UBE2E1: variants seen among roughly 807,000 people sequenced by gnomAD.
UBE2E1 encodes the protein ubiquitin-conjugating enzyme E2 E1.
Under a neutral mutation model 21.4 loss-of-function variants are expected in UBE2E1, and 6 were observed. The observed-to-expected ratio is 0.28, with a 90% confidence interval of 0.15 to 0.55. The LOEUF is 0.55. Among genes scored for constraint, UBE2E1 ranks in the 20% least tolerant of loss-of-function variants. The pLI is 0.93. For missense variants in UBE2E1, 142 were observed against 236.5 expected, an observed-to-expected ratio of 0.60 and a Z score of 2.62; for synonymous variants, 87 against 82.7, an observed-to-expected ratio of 1.05 and a Z score of -0.28.
intron 3 of UBE2E1, among the ~76,000 whole-genome samples, chr3:23,839,463 CAAAA>C (rs954877106): frequency 6.7e-6 from 1 of 150,188 alleles, no homozygotes; most frequent in African/African-American, 2.5e-5. Context: ...GAGTCTGTCT[CAAAA>C]AAAGAAAATA....
chr3:23,832,723 A>T (rs1380144660), intron 3 of UBE2E1, among the ~76,000 whole-genome samples: 3 of 152,178 alleles, frequency 2.0e-5, no homozygotes, highest in African/African-American at 4.8e-5. Context: ...CAACAGAGCG[A>T]GACTTTGTCT....
Position 23,806,649 on chromosome 3 carries a change from G to T in UBE2E1, c.-34+561G>T, listed in dbSNP as rs1379108356. ...CGGGAGGGGCGTCGGGGCGCGGCGCGGGGGGGCCTCGGGCCTCGTCGCCCC... is the reference window on the plus strand; with the variant it reads ...CGGGAGGGGCGTCGGGGCGCGGCGCTGGGGGGCCTCGGGCCTCGTCGCCCC... On this transcript the variant is annotated intron_variant, in intron 1 of 5. Coordinates refer to ENST00000306627, the MANE Select transcript of UBE2E1 (RefSeq NM_003341.5). The surrounding 1 kb of genome is among the most constrained non-coding windows in gnomAD (Gnocchi z 6.5). Among the ~76,000 whole-genome samples the T allele has an allele frequency of 1.3e-5, 2 of 151,366 alleles. No individual in the cohort carries two copies.
At chr3:23,838,986 T>C (rs1347316678) in intron 3 of UBE2E1, among the ~76,000 whole-genome samples, 1 of 151,898 alleles carries the variant, frequency 6.6e-6, no homozygotes, top group African/African-American at 2.4e-5. Flanking sequence ...CTTTATAGAA[T>C]ACATCTTTAG....
Position 23,889,019 on chromosome 3 carries a change from G to A in UBE2E1, c.337-93G>A, listed in dbSNP as rs1701274559. On this transcript the variant is annotated intron_variant, in intron 4 of 5. Transcript: ENST00000306627. ...CTTCTTGACAGCTTTAATTAAAACT[G>A]CTTTTAGTCACCTTCTTAAGGGTCA... 9.2e-6 allele frequency: 12 copies of A among 1,309,984 alleles called. No homozygotes were observed. The South Asian group carries it at 1.8e-4, about 20-fold the overall frequency. 81.1% of individuals were successfully genotyped at this position (1,309,984 alleles called of 1,614,324 possible).
Position 23,851,430 on chromosome 3 carries a change from GT to G in UBE2E1, c.204-36128del, listed in dbSNP as rs373063405. ...CTTGTCAATTTCTGTTTTTCATTTT[GT>G]TTTTTTTTAAACAGTCCAGCTGGGG... On this transcript the variant is annotated intron_variant, in intron 3 of 5. Transcript: ENST00000306627. 3.7e-3 allele frequency among the ~76,000 whole-genome samples: 561 copies of G among 150,780 alleles called. 18 individuals carry two copies. In the East Asian group the frequency reaches 0.052, roughly 14 times the overall value.
intron 3 of UBE2E1, among the ~76,000 whole-genome samples, chr3:23,865,984 T>C (rs1700648379): frequency 6.6e-6 from 1 of 152,098 alleles, no homozygotes; most frequent in East Asian, 1.9e-4. Flanking sequence ...AGGGTGTGTG[T>C]AGACAGCAGG....
chr3:23,823,834 A>T lies in UBE2E1; in HGVS notation c.203+12324A>T, dbSNP rs1699696002. Among the ~76,000 whole-genome samples the T allele has an allele frequency of 1.3e-5, 2 of 152,364 alleles. No homozygotes were observed. Among genetic ancestry groups the T allele is most frequent in the Non-Finnish European group, 1.5e-5 (1 of 68,040 alleles). On this transcript the variant is annotated intron_variant, in intron 3 of 5. Transcript: ENST00000306627. The surrounding 1 kb of genome is among the most constrained non-coding windows in gnomAD (Gnocchi z 4.2). ...AGCGTCATATACTACTTGCTAGTAT[A>T]TCACACTGCTTTGGCCTTTTTCTGA...
intron 3 of UBE2E1, among the ~76,000 whole-genome samples, chr3:23,821,052 C>T (rs1053728980): frequency 1.2e-4 from 18 of 152,172 alleles, no homozygotes; most frequent in Non-Finnish European, 2.4e-4. Flanking sequence ...TAGATCAGAT[C>T]GTAATCATTT....
intron 3 of UBE2E1, among the ~76,000 whole-genome samples, chr3:23,826,928 C>T (rs1699770918): frequency 6.6e-6 from 1 of 151,966 alleles, no homozygotes; most frequent in South Asian, 2.1e-4. Flanking sequence ...TAAACTGTTG[C>T]CAGGAGGTTT....
At chr3:23,821,549 GCT>G in intron 3 of UBE2E1, among the ~76,000 whole-genome samples, 1 of 152,334 alleles carries the variant, frequency 6.6e-6, no homozygotes, top group Admixed American at 6.5e-5. Flanking sequence ...GGAGGGTATT[GCT>G]CTGTTTCAAG....
intron 3 of UBE2E1, among the ~76,000 whole-genome samples, chr3:23,886,543 C>T (rs1701188197): frequency 6.6e-6 from 1 of 152,206 alleles, no homozygotes; most frequent in Admixed American, 6.5e-5. Flanking sequence ...GCTCATTCCC[C>T]TAACCTGTTG....
Position 23,887,718 on chromosome 3 carries a change from T to C in UBE2E1, c.336+19T>C, listed in dbSNP as rs577237813. The C allele has an allele frequency of 1.9e-6, 3 of 1,589,456 alleles. No homozygotes were observed. The South Asian group carries it at 3.5e-5, about 18-fold the overall frequency. The stretch of plus-strand genomic sequence containing the variant: ...TCCAAAGGTAAGAAATCTCCCTGTA[T>C]GCTCAAATTTACTAATTCCCACAAG... On this transcript the variant is annotated intron_variant, in intron 4 of 5. Coordinates refer to ENST00000306627, the MANE Select transcript of UBE2E1 (RefSeq NM_003341.5). This position sits in a 1 kb window ranked among gnomAD's most constrained non-coding sequence, Gnocchi z 4.4.
At chr3:23,879,138 T>C in intron 3 of UBE2E1, 1 of 612,416 alleles carries the variant, frequency 1.6e-6, no homozygotes, top group South Asian at 1.5e-5. Context: ...CTTGGTTTTC[T>C]ATATCCTAGT....
chr3:23,811,056 G>C (rs1353595586), intron 2 of UBE2E1: 5 of 209,642 alleles, frequency 2.4e-5, no homozygotes, highest in Non-Finnish European at 4.8e-5. Flanking sequence ...AAAGGGGCAA[G>C]GGAGGCTGGA....
chr3:23,818,181 C>T (rs1213410219), intron 3 of UBE2E1, among the ~76,000 whole-genome samples: 1 of 152,094 alleles, frequency 6.6e-6, no homozygotes, highest in African/African-American at 2.4e-5. Flanking sequence ...GGTGCATTAA[C>T]AGAAATAAAT....
intron 3 of UBE2E1, among the ~76,000 whole-genome samples, chr3:23,880,181 G>A (rs1052738238): frequency 1.3e-5 from 2 of 151,928 alleles, no homozygotes; most frequent in African/African-American, 2.4e-5. Context: ...TCAGGATTTC[G>A]AGACCAGCCT....
intron 3 of UBE2E1, among the ~76,000 whole-genome samples, chr3:23,839,991 GGAAA>G (rs1700052230): frequency 6.6e-6 from 1 of 151,884 alleles, no homozygotes; most frequent in Non-Finnish European, 1.5e-5. Context: ...CATCATATTT[GGAAA>G]GAAAGTTTGT....
At chr3:23,811,634 C>T in intron 3 of UBE2E1, 124 bp downstream of exon 3, 1 of 855,444 alleles carries the variant, frequency 1.2e-6, no homozygotes, top group Non-Finnish European at 1.8e-6. Context: ...ACTAACATCA[C>T]GTAACAGCTG....
intron 3 of UBE2E1, among the ~76,000 whole-genome samples, chr3:23,854,495 G>A (rs1186457546): frequency 6.6e-6 from 1 of 152,160 alleles, no homozygotes; most frequent in African/African-American, 2.4e-5. Context: ...GTCCCTTCGG[G>A]TCCATCCTTG....
Sources: allele counts gnomAD v4.1 joint callset (sites outside exome capture counted in the v4.1 genomes callset), GRCh38; gene constraint gnomAD v4.1.1; non-coding constraint Gnocchi (gnomAD v3.1); transcripts MANE v1.5; gene names NCBI Gene and HGNC (gene_info 2026-07-23, HGNC 2026-07-21).